The following DOK7 variants were observed in gnomAD, a reference collection of about 807,000 sequenced individuals.
DOK7 encodes docking protein 7, also known as protein Dok-7.
In DOK7, 32 loss-of-function variants were observed where a neutral mutation model predicts 30.7. The observed-to-expected ratio is 1.04, with a 90% CI of 0.79 to 1.40. DOK7 has a LOEUF of 1.40. Among genes scored for constraint, DOK7 ranks in the 40% most tolerant of loss-of-function variants. The probability of loss-of-function intolerance (pLI) is 0.00; values close to 1 mark genes in which losing one functional copy is unlikely to be tolerated. For synonymous variants in DOK7, 447 were observed against 324.1 expected, an observed-to-expected ratio of 1.38 and a Z score of -4.07; for missense variants, 1,007 against 699.2, an observed-to-expected ratio of 1.44 and a Z score of -4.97.
intron 4 of DOK7, among the ~76,000 whole-genome samples, chr4:3,483,991 T>G (rs1727598527): frequency 6.6e-6 from 1 of 152,160 alleles, no homozygotes; most frequent in Non-Finnish European, 1.5e-5. Flanking sequence ...CTCCCCTCCA[T>G]GCCCACCTCC....
In DOK7 at chr4:3,476,491, G is replaced by A. The variant is rs758131044; in HGVS notation, c.481G>A (p.Gly161Arg). Residue 161 changes from glycine (G) to arginine (R), a missense_variant, in exon 4 of 7, where the codon GGG (glycine) becomes AGG (arginine). By Grantham distance (125) the Gly-to-Arg change is moderately radical. Coordinates refer to ENST00000340083, the MANE Select transcript of DOK7 (RefSeq NM_173660.5). ...QWKLSDLRRY[G>R]AVPSGFIFEG... is the part of the protein sequence containing the mutation. ...GAAGCTGTCTGACCTCCGGCGCTAC[G>A]GGGCCGTGCCAAGCGGATTCATCTT... is the stretch of plus-strand genomic sequence containing the variant. 9.9e-6 allele frequency: 16 copies of A among 1,613,712 alleles called. No homozygotes were observed. In the Admixed American group the frequency reaches 1.3e-4, roughly 13 times the overall value.
chr4:3,496,043 C>A (rs147415650), downstream of DOK7, among the ~76,000 whole-genome samples: 9 of 152,342 alleles, frequency 5.9e-5, no homozygotes, highest in African/African-American at 2.2e-4. Context: ...GAGGGTGCTG[C>A]GCCTTCTTTC....
rs768184265 is a variant in DOK7, at chr4:3,476,537, G to C, written c.527G>C (p.Gly176Ala). ...GFIFEGGTRC[G>A]YWAGVFFLSS... ...ATCTTTGAAGGCGGGACCAGGTGTG[G>C]GTACTGTAAGTACGGATGTGTGGGG... is the stretch of plus-strand genomic sequence containing the variant. The change falls in exon 4 of 7, where the codon GGG (glycine) becomes GCG (alanine). Residue 176 changes from glycine to alanine, a missense_variant. Coordinates refer to ENST00000340083, the MANE Select transcript of DOK7 (RefSeq NM_173660.5). The C allele has an allele frequency of 1.2e-6, 2 of 1,613,854 alleles. No homozygotes were observed. Among genetic ancestry groups the C allele is most frequent in the Non-Finnish European group, 1.7e-6 (2 of 1,180,014 alleles).
At chr4:3,494,864 G>A (rs966891663), downstream of DOK7, among the ~76,000 whole-genome samples, 1 of 152,164 alleles carries the variant, frequency 6.6e-6, no homozygotes, top group South Asian at 2.1e-4. Flanking sequence ...CCTACATGGG[G>A]CCGAGTTCCA....
intron 4 of DOK7, chr4:3,484,642 T>C (rs771148471): frequency 2.0e-5 from 20 of 985,470 alleles, no homozygotes; most frequent in Non-Finnish European, 2.3e-5. Context: ...GCTGCATCGC[T>C]CTGCCAGTGA....
exon 8 of DOK7, chr4:3,500,965 G>T: frequency 7.5e-7 from 1 of 1,334,496 alleles, no homozygotes. Flanking sequence ...CGGTCTCCGG[G>T]CCATGGTGCA....
rs775686679 is a variant in DOK7, at chr4:3,493,423, C to T, written c.1437C>T (p.Gly479=). ...CTGGCGAGCCCTGGGAAGCAGGCGGCCCCCACGCGGGGCCACCCCCGGCTT... is the reference window on the plus strand; with the variant it reads ...CTGGCGAGCCCTGGGAAGCAGGCGGTCCCCACGCGGGGCCACCCCCGGCTT... The part of the protein sequence containing the change: ...PAPGEPWEAG[G]PHAGPPPAFF... The change falls in exon 7 of 7, where the codon GGC becomes GGT. Residue 479 remains glycine, a synonymous_variant. Transcript: ENST00000340083. 7 of 1,600,860 alleles carry T rather than the reference C, an allele frequency of 4.4e-6. No homozygotes were observed. Among genetic ancestry groups the T allele is most frequent in the South Asian group, 1.1e-5 (1 of 89,646 alleles).
intron 4 of DOK7, 132 bp from the exon 5 acceptor site, chr4:3,485,407 A>G (rs1727707185): frequency 2.4e-6 from 3 of 1,255,228 alleles, no homozygotes; most frequent in Admixed American, 3.1e-5. Context: ...TGGGCATCTG[A>G]CTTCGTGGGG....
In DOK7 at chr4:3,489,757, C is replaced by A; in HGVS notation, c.733C>A (p.Leu245Met). The A allele has an allele frequency of 6.4e-7, 1 of 1,571,988 alleles. No homozygotes were observed. Among genetic ancestry groups the A allele is most frequent in the East Asian group, 2.3e-5 (1 of 42,666 alleles). Residue 245 changes from leucine (L) to methionine (M), a missense_variant, in exon 6 of 7, where the codon CTG becomes ATG. Physicochemically the swap from Leu to Met is conservative, Grantham distance 15. Transcript: ENST00000340083. ...GGAAACCCTACAGCTGGAGAAGCGG[C>A]TGAGCCTCCTCTCACATGCGGGCAG... ...ALETLQLEKR[L>M]SLLSHAGRPG...
chr4:3,481,973 G>A (rs767504680), intron 4 of DOK7, among the ~76,000 whole-genome samples: 1 of 151,982 alleles, frequency 6.6e-6, no homozygotes, highest in African/African-American at 2.4e-5. Context: ...CAGAGTTGGC[G>A]CCGCCCTGAG....
chr4:3,499,951 G>A (rs1463226848), intron 6 of DOK7, among the ~76,000 whole-genome samples: 1 of 151,894 alleles, frequency 6.6e-6, no homozygotes, highest in South Asian at 2.1e-4. Context: ...GTGGGCCTTG[G>A]GGGGCCCATG....
intron 7 of DOK7, chr4:3,500,598 C>A: frequency 1.3e-6 from 2 of 1,526,632 alleles, no homozygotes; most frequent in Non-Finnish European, 1.8e-6. Flanking sequence ...TCAGATGCTT[C>A]CGAGGGCCTG....
chr4:3,497,495 C>G (rs1054361676), downstream of DOK7, among the ~76,000 whole-genome samples: 3 of 152,136 alleles, frequency 2.0e-5, no homozygotes, highest in African/African-American at 7.2e-5. Context: ...CAGAGCCCTG[C>G]TGAAGGTTGG....
intron 5 of DOK7, among the ~76,000 whole-genome samples, chr4:3,486,943 A>G (rs1727841679): frequency 6.6e-6 from 1 of 152,088 alleles, no homozygotes; most frequent in South Asian, 2.1e-4. Flanking sequence ...AGAGGGAAGC[A>G]GGGAAGCAGT....
At chr4:3,463,591 C>A (rs1447615585) in intron 2 of DOK7, 40 bp downstream of exon 2, 13 of 1,521,670 alleles carry the variant, frequency 8.5e-6, no homozygotes, top group South Asian at 2.4e-5. Flanking sequence ...GCGGGGGTAG[C>A]GACACGGGTT....
At chr4:3,498,247 G>A (rs1729020588), downstream of DOK7, among the ~76,000 whole-genome samples, 1 of 152,184 alleles carries the variant, frequency 6.6e-6, no homozygotes, top group Admixed American at 6.5e-5. Context: ...AAGTCCCAAG[G>A]AGGGGACGGG....
chr4:3,490,739 T>G (rs1258930280), intron 6 of DOK7, among the ~76,000 whole-genome samples: 1 of 104,602 alleles, frequency 9.6e-6, no homozygotes, highest in Admixed American at 1.1e-4. Context: ...CATTCCTTCC[T>G]TCCTTCTTCC....
Position 3,494,082 on chromosome 4 carries a change from G to A in DOK7, c.*581G>A. ...GGCTGTGTGGCTTGCGGGGTCTCTGGGTTCTGGGCCCCACTGTTCCCCAGT... is the reference window on the plus strand; with the variant it reads ...GGCTGTGTGGCTTGCGGGGTCTCTGAGTTCTGGGCCCCACTGTTCCCCAGT... On this transcript the variant is annotated 3_prime_UTR_variant, in exon 7 of 7. Transcript: ENST00000340083. 1 of 986,716 alleles carries A rather than the reference G, an allele frequency of 1.0e-6. No homozygotes were observed. The highest frequency in any genetic ancestry group is 4.7e-5 in the South Asian group (1 of 21,336). 61.1% of individuals were successfully genotyped at this position (986,716 alleles called of 1,614,324 possible).
chr4:3,468,519 A>AGT, intron 2 of DOK7, among the ~76,000 whole-genome samples: 1 of 94,142 alleles, frequency 1.1e-5, no homozygotes, highest in South Asian at 2.7e-4. Context: ...TGCGTGTATG[A>AGT]GTGTGTGTGA....
Sources: gnomAD v4.1 joint callset for allele counts (sites outside exome capture counted in the v4.1 genomes callset) on GRCh38, gnomAD v4.1.1 for gene constraint, MANE v1.5 for transcripts, NCBI Gene and HGNC (gene_info 2026-07-23, HGNC 2026-07-21) for gene names.